PARD3B: variants seen among roughly 807,000 people sequenced by gnomAD.
PARD3B encodes partitioning defective 3 homolog B.
Under a neutral mutation model 130.2 loss-of-function variants are expected in PARD3B, and 103 were observed. The observed-to-expected ratio is 0.79, with a 90% CI of 0.67 to 0.93. PARD3B has a LOEUF of 0.93. PARD3B is among the 40% of genes least tolerant of loss of function. The pLI, the probability that PARD3B is intolerant of heterozygous loss-of-function variation, is 0.00. For synonymous variants in PARD3B, 583 were observed against 553.2 expected (o/e 1.05, Z -0.76); for missense variants, 1,609 against 1,499.2 (o/e 1.07, Z -1.21).
At chr2:205,226,287 C>T (rs541416847) in intron 15 of PARD3B, among the ~76,000 whole-genome samples, 7 of 152,200 alleles carry the variant, frequency 4.6e-5, no homozygotes, top group South Asian at 4.1e-4. Context: ...GTGATCCGCC[C>T]GCCTTGGCCT....
intron 19 of PARD3B, among the ~76,000 whole-genome samples, chr2:205,414,523 A>G (rs773299913): frequency 2.3e-4 from 35 of 152,178 alleles, no homozygotes; most frequent in Admixed American, 7.9e-4. Flanking sequence ...TTTTGAAAGT[A>G]TAGTGGCCTC....
At position 205,116,843 on chromosome 2, in the gene PARD3B, G is replaced by T. The variant is rs568246855; in HGVS notation, c.681-2078G>T. Among the ~76,000 whole-genome samples, 16 of 152,214 alleles carry T rather than the reference G, an allele frequency of 1.1e-4. No individual in the cohort carries two copies. Among genetic ancestry groups the T allele is most frequent in the African/African-American group, 3.6e-4 (15 of 41,540 alleles). On this transcript the variant is annotated intron_variant, in intron 6 of 22. Coordinates refer to ENST00000406610, the MANE Select transcript of PARD3B (RefSeq NM_001302769.2). This position sits in a 1 kb window ranked among gnomAD's most constrained non-coding sequence, Gnocchi z 4.5. ...TGGGTTTTACAGTTGGGCTTATTCT[G>T]TCAATAAATTTTTCATGGAAAGTTA...
chr2:205,497,201 T>C (rs1421389085), intron 20 of PARD3B, among the ~76,000 whole-genome samples: 1 of 114,174 alleles, frequency 8.8e-6, no homozygotes, highest in Non-Finnish European at 1.8e-5. Context: ...AACATACATA[T>C]TGAAAAAAAA....
At chr2:205,225,593 T>C (rs1316364115) in intron 15 of PARD3B, among the ~76,000 whole-genome samples, 1 of 152,132 alleles carries the variant, frequency 6.6e-6, no homozygotes, top group Non-Finnish European at 1.5e-5. Context: ...AGAAAAGAAG[T>C]TTAATTAACT....
intron 1 of PARD3B, among the ~76,000 whole-genome samples, chr2:204,554,585 G>A (rs888070838): frequency 2.7e-5 from 4 of 150,536 alleles, no homozygotes; most frequent in Non-Finnish European, 4.4e-5. Flanking sequence ...TTTCCTGTTA[G>A]TATACTGGAG....
intron 16 of PARD3B, among the ~76,000 whole-genome samples, chr2:205,249,560 T>G (rs2039747060): frequency 6.6e-6 from 1 of 152,106 alleles, no homozygotes; most frequent in Non-Finnish European, 1.5e-5. Flanking sequence ...AAATAAATCT[T>G]TATAATATTT....
rs56654511 is a variant in PARD3B, at chr2:205,331,782, C to CAAAAAAAAAAAAAAAAAAA, written c.2630+30086_2630+30104dup. ...TGGGCGACAGAGTGAGACTCCGTCT[C>CAAAAAAAAAAAAAAAAAAA]AAAAAAAAAAAAAAAAAAAAAAAGA... On this transcript the variant is annotated intron_variant, in intron 18 of 22. Coordinates refer to ENST00000406610, the MANE Select transcript of PARD3B (RefSeq NM_001302769.2). Among the ~76,000 whole-genome samples, 130 of 48,398 alleles carry CAAAAAAAAAAAAAAAAAAA rather than the reference C, an allele frequency of 2.7e-3. 19 individuals are homozygous for CAAAAAAAAAAAAAAAAAAA. Among genetic ancestry groups the CAAAAAAAAAAAAAAAAAAA allele is most frequent in the African/African-American group, 0.014 (128 of 9,298 alleles). The allele number at this position is 48,398 out of a possible 152,430, so 31.8% of individuals were successfully genotyped here. A position where few individuals can be genotyped will look rare whatever the true frequency, so the allele number is the denominator to read the frequency against.
intron 20 of PARD3B, among the ~76,000 whole-genome samples, chr2:205,468,656 A>G (rs914578043): frequency 1.8e-4 from 28 of 152,126 alleles, no homozygotes; most frequent in Non-Finnish European, 4.4e-5. Flanking sequence ...GGGAATGGGT[A>G]GCACTGGTTC....
intron 3 of PARD3B, among the ~76,000 whole-genome samples, chr2:205,006,148 CT>C (rs1695249002): frequency 6.6e-6 from 1 of 152,074 alleles, no homozygotes; most frequent in South Asian, 2.1e-4. Context: ...TATTTCATTC[CT>C]TTTTTATGGC....
chr2:204,772,833 G>C (rs2041447514), intron 2 of PARD3B, among the ~76,000 whole-genome samples: 1 of 152,086 alleles, frequency 6.6e-6, no homozygotes, highest in Admixed American at 6.6e-5. Context: ...CTATCTCTAA[G>C]AAATGTTGGA....
intron 18 of PARD3B, among the ~76,000 whole-genome samples, chr2:205,347,238 C>T (rs2043827499): frequency 6.6e-6 from 1 of 152,096 alleles, no homozygotes; most frequent in Non-Finnish European, 1.5e-5. Flanking sequence ...TATGGCCGAC[C>T]TCTGTAGAAC....
chr2:205,260,546 G>A (rs1273763522), intron 16 of PARD3B, among the ~76,000 whole-genome samples: 6 of 152,080 alleles, frequency 3.9e-5, no homozygotes, highest in Non-Finnish European at 5.9e-5. Flanking sequence ...ATCTTGGGGA[G>A]CCTGATTTGC....
At position 204,967,770 on chromosome 2, in the gene PARD3B, C is replaced by T. The variant is rs183794410; in HGVS notation, c.394+2447C>T. Among the ~76,000 whole-genome samples, 7 of 152,262 alleles carry T rather than the reference C, an allele frequency of 4.6e-5. No individual in the cohort carries two copies. Among genetic ancestry groups the T allele is most frequent in the South Asian group, 2.1e-4 (1 of 4,824 alleles). ...CATTCTGTTTTCCTGTTGTTGGCTC[C>T]GGGGCAGGATGTGGCCATAGGCTGT... On this transcript the variant is annotated intron_variant, in intron 3 of 22. Coordinates refer to ENST00000406610, the MANE Select transcript of PARD3B (RefSeq NM_001302769.2). The surrounding 1 kb of genome is among the most constrained non-coding windows in gnomAD (Gnocchi z 4.4).
At chr2:204,795,446 T>C (rs900537658) in intron 2 of PARD3B, among the ~76,000 whole-genome samples, 5 of 152,188 alleles carry the variant, frequency 3.3e-5, no homozygotes, top group Non-Finnish European at 4.4e-5. Flanking sequence ...TTGGGGCTTA[T>C]TTGGAACAAT....
At chr2:204,685,617 G>T (rs1329917418) in intron 1 of PARD3B, among the ~76,000 whole-genome samples, 1 of 152,176 alleles carries the variant, frequency 6.6e-6, no homozygotes, top group East Asian at 1.9e-4. Context: ...GCAGGAAATG[G>T]CAAGCGAGGC....
Position 204,951,938 on chromosome 2 carries a change from T to C in PARD3B, c.223-13214T>C, listed in dbSNP as rs550494583. Reference sequence around the variant, plus strand: ...CCTTTCTAGAGTTTTTAATCCTTGGTAATTTGAAGAACAAGGAGATAGTTT... The same window carrying C: ...CCTTTCTAGAGTTTTTAATCCTTGGCAATTTGAAGAACAAGGAGATAGTTT... On this transcript the variant is annotated intron_variant, in intron 2 of 22. Coordinates refer to ENST00000406610, the MANE Select transcript of PARD3B (RefSeq NM_001302769.2). 2.5e-4 allele frequency among the ~76,000 whole-genome samples: 38 copies of C among 152,320 alleles called. No homozygotes were observed. In the Middle Eastern group the frequency reaches 0.02, roughly 82 times the overall value.
At chr2:205,449,417 G>T (rs2048022649) in intron 20 of PARD3B, among the ~76,000 whole-genome samples, 1 of 151,828 alleles carries the variant, frequency 6.6e-6, no homozygotes, top group African/African-American at 2.4e-5. Flanking sequence ...TTTTAGTAGA[G>T]GCAGGGTTTC....
intron 10 of PARD3B, among the ~76,000 whole-genome samples, chr2:205,135,040 A>G (rs1304819445): frequency 6.6e-6 from 1 of 152,104 alleles, no homozygotes; most frequent in African/African-American, 2.4e-5. Flanking sequence ...TTCATGGTGC[A>G]TGACATATGT....
intron 18 of PARD3B, among the ~76,000 whole-genome samples, chr2:205,362,922 T>G (rs899987295): frequency 6.6e-6 from 1 of 152,096 alleles, no homozygotes; most frequent in African/African-American, 2.4e-5. Flanking sequence ...AAGGACCACA[T>G]TTATGACAGC....
Sources: gnomAD v4.1 joint callset for allele counts (sites outside exome capture counted in the v4.1 genomes callset) on GRCh38, gnomAD v4.1.1 for gene constraint, Gnocchi (gnomAD v3.1) non-coding constraint, MANE v1.5 for transcripts, NCBI Gene and HGNC (gene_info 2026-07-23, HGNC 2026-07-21) for gene names.